Variants in PPHLN1 observed in about 807,000 individuals in gnomAD.
PPHLN1 encodes periphilin-1.
A neutral mutation model predicts 51.3 loss-of-function variants in PPHLN1; 29 were observed. That is an observed-to-expected ratio of 0.57 (90% CI 0.42 to 0.77). The LOEUF (loss-of-function observed/expected upper bound fraction) is 0.77, where lower values mean the gene tolerates loss of function less well. Ranked by LOEUF, PPHLN1 falls within the 30% of genes least tolerant of loss-of-function variation. PPHLN1 has a pLI of 0.00. For missense variants in PPHLN1, 436 were observed against 438.4 expected, an observed-to-expected ratio of 0.99 and a Z score of 0.05; for synonymous variants, 147 against 147.8, an observed-to-expected ratio of 0.99 and a Z score of 0.04.
rs984757528 is a variant in PPHLN1, at chr12:42,389,723, A to G, written c.648+2188A>G. 2.0e-5 allele frequency among the ~76,000 whole-genome samples: 3 copies of G among 152,204 alleles called. No homozygotes were observed. The East Asian group carries it at 5.8e-4, about 29-fold the overall frequency. On this transcript the variant is annotated intron_variant, in intron 7 of 9. Transcript: ENST00000358314. ...TGCAACCCATATTCTCATCTTGACC[A>G]TAAGCAGGTTGGATGGGTTATATCT...
Position 42,399,606 on chromosome 12 carries a change from A to G in PPHLN1, c.909+612A>G, listed in dbSNP as rs556187662. ...TCTAGTGCGTTGAATAAATGTAATT[A>G]CATTGATAATAATATTCTAAAACCT... is the stretch of plus-strand genomic sequence containing the variant. On this transcript the variant is annotated intron_variant, in intron 9 of 9. Transcript: ENST00000358314. 7 of 201,000 alleles carry G rather than the reference A, an allele frequency of 3.5e-5. No individual in the cohort carries two copies. In the South Asian group the frequency reaches 5.2e-4, roughly 15 times the overall value. The allele number at this position is 201,000 out of a possible 1,614,324, so 12.5% of individuals were successfully genotyped here. A position where few individuals can be genotyped will look rare whatever the true frequency, so the allele number is the denominator to read the frequency against.
At chr12:42,336,875 CGTTA>C (rs1190747308) in intron 2 of PPHLN1, among the ~76,000 whole-genome samples, 1 of 152,088 alleles carries the variant, frequency 6.6e-6, no homozygotes, top group African/African-American at 2.4e-5. Flanking sequence ...TTTATGTCTA[CGTTA>C]GTTATTTTTT....
chr12:42,367,735 A>G (rs1391562731), intron 4 of PPHLN1, among the ~76,000 whole-genome samples: 1 of 152,028 alleles, frequency 6.6e-6, no homozygotes, highest in Non-Finnish European at 1.5e-5. Flanking sequence ...GTAAATCATT[A>G]TTATTATTAA....
chr12:42,413,751 G>A (rs1011879068), intron 9 of PPHLN1, among the ~76,000 whole-genome samples: 32 of 151,932 alleles, frequency 2.1e-4, no homozygotes, highest in Non-Finnish European at 4.1e-4. Context: ...TAATAGAGAC[G>A]AGGTTTCAGC....
At chr12:42,411,507 TAACAA>T (rs1382801298) in intron 9 of PPHLN1, among the ~76,000 whole-genome samples, 1 of 152,074 alleles carries the variant, frequency 6.6e-6, no homozygotes, top group Middle Eastern at 3.2e-3. Context: ...ATAGAAATGA[TAACAA>T]AAAACAAAAG....
chr12:42,427,983 A>C (rs142579785), intron 9 of PPHLN1, among the ~76,000 whole-genome samples: 1 of 152,160 alleles, frequency 6.6e-6, no homozygotes, highest in African/African-American at 2.4e-5. Context: ...AGACATACAA[A>C]TGGCCAAAAA....
intron 2 of PPHLN1, among the ~76,000 whole-genome samples, chr12:42,348,433 A>C (rs1275398054): frequency 6.6e-6 from 1 of 152,038 alleles, no homozygotes; most frequent in Non-Finnish European, 1.5e-5. Flanking sequence ...TAAACAACTT[A>C]AAGAATGATT....
At position 42,348,889 on chromosome 12, in the gene PPHLN1, A is replaced by G. The variant is rs116603851; in HGVS notation, c.73-2996A>G. 3.6e-3 allele frequency among the ~76,000 whole-genome samples: 548 copies of G among 152,272 alleles called. 3 individuals carry two copies. Among genetic ancestry groups the G allele is most frequent in the African/African-American group, 0.013 (531 of 41,560 alleles). ...GTGAAAGGTAGTTTGTAGAAGAATG[A>G]GTCAGTATATTCATTTGTGTATCAT... On this transcript the variant is annotated intron_variant, in intron 2 of 9. Transcript: ENST00000358314.
At chr12:42,331,800 T>G (rs2069777944) in intron 1 of PPHLN1, 3 of 152,190 alleles carry the variant, frequency 2.0e-5, no homozygotes, top group Admixed American at 2.0e-4. Context: ...TTTTCTGGAG[T>G]ACCATCGAAA....
At chr12:42,420,816 A>G (rs961723213) in intron 9 of PPHLN1, among the ~76,000 whole-genome samples, 4 of 151,822 alleles carry the variant, frequency 2.6e-5, no homozygotes, top group African/African-American at 4.8e-5. Context: ...TTTGTCAAAA[A>G]CAAAACAGTG....
intron 4 of PPHLN1, among the ~76,000 whole-genome samples, chr12:42,365,939 T>C (rs1183728593): frequency 6.6e-6 from 1 of 152,222 alleles, no homozygotes; most frequent in Admixed American, 6.5e-5. Context: ...TGTTGATACC[T>C]TCATTTCCAA....
At chr12:42,447,122 A>G (rs976198159), downstream of PPHLN1, 2 of 153,834 alleles carry the variant, frequency 1.3e-5, no homozygotes, top group Admixed American at 1.3e-4. Context: ...CCTTTCATCC[A>G]TCACTCAGCC....
At chr12:42,394,386 G>A (rs986766697) in intron 8 of PPHLN1, among the ~76,000 whole-genome samples, 4 of 152,056 alleles carry the variant, frequency 2.6e-5, no homozygotes, top group South Asian at 2.1e-4. Context: ...AATCCGTCCC[G>A]TGACAAATTA....
At chr12:42,352,365 T>C (rs2138222825) in intron 3 of PPHLN1, among the ~76,000 whole-genome samples, 1 of 152,108 alleles carries the variant, frequency 6.6e-6, no homozygotes, top group East Asian at 1.9e-4. Flanking sequence ...TAGTACTTAA[T>C]AAGTGATGAG....
At position 42,399,500 on chromosome 12, in the gene PPHLN1, T is replaced by C. The variant is rs1472830707; in HGVS notation, c.909+506T>C. ...AACTATTATGGGGTTATTTTCATTT[T>C]ATGAGGATTAAATGAAGTAAATGTG... On this transcript the variant is annotated intron_variant, in intron 9 of 9. Coordinates refer to ENST00000358314, the MANE Select transcript of PPHLN1 (RefSeq NM_201439.2). 1.1e-5 allele frequency: 9 copies of C among 817,762 alleles called. No homozygotes were observed. The East Asian group carries it at 1.0e-3, about 91-fold the overall frequency. 50.7% of individuals were successfully genotyped at this position (817,762 alleles called of 1,614,324 possible). A position where few individuals can be genotyped will look rare whatever the true frequency, so the allele number is the denominator to read the frequency against.
At chr12:42,425,076 A>ATGTG (rs2081325626) in intron 9 of PPHLN1, among the ~76,000 whole-genome samples, 1 of 151,292 alleles carries the variant, frequency 6.6e-6, no homozygotes, top group Non-Finnish European at 1.5e-5. Flanking sequence ...GTATGTATGT[A>ATGTG]TGTATGTACT....
intron 4 of PPHLN1, among the ~76,000 whole-genome samples, chr12:42,367,623 G>A (rs566264571): frequency 1.1e-4 from 17 of 151,898 alleles, no homozygotes; most frequent in African/African-American, 2.4e-4. Flanking sequence ...GATATTTTTC[G>A]TCTATCTTCC....
intron 2 of PPHLN1, among the ~76,000 whole-genome samples, chr12:42,346,853 A>G (rs578187247): frequency 1.7e-4 from 26 of 152,278 alleles, no homozygotes; most frequent in Non-Finnish European, 3.4e-4. Flanking sequence ...AGTGATGTCA[A>G]GCACCTTTTC....
In PPHLN1 at chr12:42,335,655, T is replaced by C. The variant is rs116026406; in HGVS notation, c.-20-228T>C. Among the ~76,000 whole-genome samples the C allele has an allele frequency of 3.5e-3, 529 of 151,704 alleles. 3 individuals are homozygous for C. The highest frequency in any genetic ancestry group is 0.012 in the African/African-American group (513 of 41,428). ...ACAATCTCTTTGAAGCTTTAAATAG[T>C]CTTGCCTAAGAAGGAAGATAGGGCT... On this transcript the variant is annotated intron_variant, in intron 1 of 9. Coordinates refer to ENST00000358314, the MANE Select transcript of PPHLN1 (RefSeq NM_201439.2).
Sources: gnomAD v4.1 joint callset for allele counts (sites outside exome capture counted in the v4.1 genomes callset) on GRCh38, gnomAD v4.1.1 for gene constraint, MANE v1.5 for transcripts, NCBI Gene and HGNC (gene_info 2026-07-23, HGNC 2026-07-21) for gene names.